STX18: variants seen among roughly 807,000 people sequenced by gnomAD.
STX18 encodes the protein syntaxin 18, also known as syntaxin-18.
Under a neutral mutation model 50.1 loss-of-function variants are expected in STX18, and 40 were observed. The observed-to-expected ratio is 0.80, with a 90% CI of 0.62 to 1.04. The LOEUF is 1.04. STX18 is among the 50% of genes least tolerant of loss of function. STX18 has a pLI of 0.00. For synonymous variants in STX18, 158 were observed against 151.8 expected, an observed-to-expected ratio of 1.04 and a Z score of -0.30; for missense variants, 410 against 415.8, an observed-to-expected ratio of 0.99 and a Z score of 0.12.
intron 5 of STX18, among the ~76,000 whole-genome samples, chr4:4,448,349 G>A (rs1726542988): frequency 1.5e-5 from 2 of 135,302 alleles, no homozygotes. Context: ...TTTATTTTAT[G>A]CTTTTTTTTT....
intron 1 of STX18, among the ~76,000 whole-genome samples, chr4:4,493,693 G>A (rs2108867666): frequency 6.6e-6 from 1 of 152,218 alleles, no homozygotes; most frequent in South Asian, 2.1e-4. Flanking sequence ...CTATACTAAA[G>A]CATCAATAGA....
At chr4:4,430,629 A>C (rs1320812642) in intron 7 of STX18, among the ~76,000 whole-genome samples, 2 of 152,334 alleles carry the variant, frequency 1.3e-5, no homozygotes, top group East Asian at 3.9e-4. Context: ...CAGTGGAATG[A>C]AACAGAAGCA....
intron 1 of STX18, among the ~76,000 whole-genome samples, chr4:4,485,540 G>A (rs1271841407): frequency 6.6e-6 from 1 of 152,160 alleles, no homozygotes; most frequent in African/African-American, 2.4e-5. Context: ...GAGTTTAGGA[G>A]ACATGATGAC....
At chr4:4,457,526 G>C in intron 3 of STX18, 26 bp from the exon 4 acceptor site, 1 of 1,573,228 alleles carries the variant, frequency 6.4e-7, no homozygotes, top group Non-Finnish European at 8.7e-7. Context: ...ACAATGTTCA[G>C]GCCTTCGCAC....
At chr4:4,521,292 G>A (rs1163709555) in intron 1 of STX18, among the ~76,000 whole-genome samples, 2 of 152,184 alleles carry the variant, frequency 1.3e-5, no homozygotes, top group Non-Finnish European at 2.9e-5. Flanking sequence ...GTATTATGAA[G>A]CCTTTACAAT....
chr4:4,519,495 A>C (rs1259505627), intron 1 of STX18, among the ~76,000 whole-genome samples: 4 of 152,190 alleles, frequency 2.6e-5, no homozygotes, highest in Non-Finnish European at 5.9e-5. Flanking sequence ...AGGGACCAAT[A>C]GGTGCCTTCC....
chr4:4,503,803 A>G (rs539342722), intron 1 of STX18, among the ~76,000 whole-genome samples: 1 of 152,184 alleles, frequency 6.6e-6, no homozygotes, highest in Admixed American at 6.5e-5. Flanking sequence ...TTTTCAACAA[A>G]TGATGGTGGA....
chr4:4,511,546 G>A (rs533126999), intron 1 of STX18, among the ~76,000 whole-genome samples: 19 of 152,248 alleles, frequency 1.2e-4, no homozygotes, highest in Admixed American at 1.0e-3. Flanking sequence ...TATTGTTTAG[G>A]TACCCAAGGC....
chr4:4,484,020 C>T (rs759633573), intron 1 of STX18, among the ~76,000 whole-genome samples: 7 of 151,888 alleles, frequency 4.6e-5, no homozygotes, highest in South Asian at 4.2e-4. Flanking sequence ...TGCCACCATG[C>T]CCAGCTAATT....
chr4:4,459,867 G>A (rs1182665758), intron 2 of STX18, among the ~76,000 whole-genome samples: 1 of 152,176 alleles, frequency 6.6e-6, no homozygotes, highest in Admixed American at 6.5e-5. Context: ...ATCAGAGGGT[G>A]GAGGGTGTTC....
At chr4:4,518,807 A>T (rs1730393475) in intron 1 of STX18, among the ~76,000 whole-genome samples, 1 of 152,210 alleles carries the variant, frequency 6.6e-6, no homozygotes, top group African/African-American at 2.4e-5. Context: ...CGGTTTACTT[A>T]TACACACGTG....
chr4:4,474,619 C>A (rs951121775), intron 1 of STX18, among the ~76,000 whole-genome samples: 1 of 152,102 alleles, frequency 6.6e-6, no homozygotes, highest in African/African-American at 2.4e-5. Context: ...TGGGTAGGCT[C>A]AATCACAAGG....
chr4:4,541,861 C>T lies in STX18; in HGVS notation c.104G>A (p.Arg35Gln), dbSNP rs781161674. 8 of 1,610,364 alleles carry T rather than the reference C, an allele frequency of 5.0e-6. No individual in the cohort carries two copies. Among genetic ancestry groups the T allele is most frequent in the Admixed American group, 3.3e-5 (2 of 59,918 alleles). The change falls in exon 1 of 11, where the codon CGG (arginine) becomes CAG (glutamine). Residue 35 changes from arginine (R) to glutamine (Q), a missense_variant. Physicochemically the swap from Arg to Gln is conservative, Grantham distance 43. Transcript: ENST00000306200. Reference protein sequence around the residue: ...VAVGGGVDGSRDELFRRSPRP... With the variant: ...VAVGGGVDGSQDELFRRSPRP... ...GGGGCTCCGGCGGAACAGCTCGTCC[C>T]GGCTGCCATCGACCCCGCCGCCCAC...
At chr4:4,472,908 G>T (rs1265449116) in intron 1 of STX18, among the ~76,000 whole-genome samples, 1 of 152,224 alleles carries the variant, frequency 6.6e-6, no homozygotes, top group Non-Finnish European at 1.5e-5. Flanking sequence ...TATTATAAAT[G>T]TGATTCAGAA....
chr4:4,482,179 T>C (rs1396805770), intron 1 of STX18, among the ~76,000 whole-genome samples: 2 of 152,238 alleles, frequency 1.3e-5, no homozygotes, highest in Non-Finnish European at 2.9e-5. Flanking sequence ...CTGAAACTTC[T>C]TGTAAGTTCA....
intron 1 of STX18, among the ~76,000 whole-genome samples, chr4:4,532,170 C>T (rs1471222164): frequency 6.6e-6 from 1 of 152,116 alleles, no homozygotes; most frequent in South Asian, 2.1e-4. Flanking sequence ...GATTACATAA[C>T]CGTATTGTAG....
At chr4:4,536,431 G>A (rs1215938781) in intron 1 of STX18, among the ~76,000 whole-genome samples, 1 of 152,178 alleles carries the variant, frequency 6.6e-6, no homozygotes, top group Non-Finnish European at 1.5e-5. Flanking sequence ...CTAGGGGAAG[G>A]GACAGAAAAA....
intron 1 of STX18, among the ~76,000 whole-genome samples, chr4:4,492,514 G>A (rs1391774244): frequency 6.6e-6 from 1 of 152,074 alleles, no homozygotes; most frequent in East Asian, 1.9e-4. Flanking sequence ...ATAAAGAAAA[G>A]CATTTGACAA....
chr4:4,509,670 G>A (rs1729906716), intron 1 of STX18, among the ~76,000 whole-genome samples: 1 of 152,144 alleles, frequency 6.6e-6, no homozygotes, highest in Non-Finnish European at 1.5e-5. Flanking sequence ...ATGGTAAGTG[G>A]TGAAAGTGTT....
Sources: gnomAD v4.1 joint callset for allele counts (sites outside exome capture counted in the v4.1 genomes callset) on GRCh38, gnomAD v4.1.1 for gene constraint, MANE v1.5 for transcripts, NCBI Gene and HGNC (gene_info 2026-07-23, HGNC 2026-07-21) for gene names.